Variants in CENPN observed in about 807,000 individuals in gnomAD.
CENPN encodes interphase centromere complex protein 32.
In CENPN, 36 loss-of-function variants were observed where a neutral mutation model predicts 48.6. The ratio of observed to expected loss-of-function variants is 0.74; its 90% CI spans 0.57 to 0.98. The LOEUF (loss-of-function observed/expected upper bound fraction) is 0.98, where lower values mean the gene tolerates loss of function less well. Ranked by LOEUF, CENPN falls within the 50% of genes least tolerant of loss-of-function variation. CENPN has a pLI of 0.00. For missense variants in CENPN, 439 were observed against 399.2 expected (o/e 1.10, Z -0.85); for synonymous variants, 166 against 135.2 (o/e 1.23, Z -1.58).
At chr16:81,018,921 C>G (rs1970049572) in intron 5 of CENPN, among the ~76,000 whole-genome samples, 1 of 152,182 alleles carries the variant, frequency 6.6e-6, no homozygotes, top group Non-Finnish European at 1.5e-5. Context: ...AGGCTCAGAG[C>G]TTTAAAGGGA....
At chr16:81,027,258 A>G (rs1970544582) in intron 9 of CENPN, among the ~76,000 whole-genome samples, 4 of 152,188 alleles carry the variant, frequency 2.6e-5, no homozygotes, top group Middle Eastern at 6.8e-3. Context: ...TGGGAGGCTG[A>G]GGCGGGCGGA....
At position 81,030,573 on chromosome 16, in the gene CENPN, A is replaced by G. The variant is rs1970723788; in HGVS notation, c.*1922A>G. On this transcript the variant is annotated 3_prime_UTR_variant, in exon 11 of 11. Transcript: ENST00000305850. The stretch of plus-strand genomic sequence containing the variant: ...AGACCAGCCTAGCCAACATGGCAAA[A>G]CCTTGTCTCTACTAAAAATAGAAAA... The G allele has an allele frequency of 5.4e-6, 1 of 184,988 alleles. No homozygotes were observed. The highest frequency in any genetic ancestry group is 1.0e-5 in the Non-Finnish European group (1 of 98,112). The allele number at this position is 184,988 out of a possible 1,614,324, so 11.5% of individuals were successfully genotyped here.
intron 6 of CENPN, among the ~76,000 whole-genome samples, chr16:81,021,208 A>G: frequency 6.6e-6 from 1 of 152,122 alleles, no homozygotes; most frequent in African/African-American, 2.4e-5. Context: ...ATTTGTAACC[A>G]TTTCTCCCAC....
intron 8 of CENPN, 95 bp from the exon 9 acceptor site, chr16:81,026,431 T>A: frequency 1.9e-6 from 1 of 524,922 alleles, no homozygotes; most frequent in East Asian, 3.1e-5. Flanking sequence ...TTTAAAATTA[T>A]ACAAACAATT....
intron 7 of CENPN, 99 bp downstream of exon 7, chr16:81,022,797 A>G: frequency 6.2e-7 from 1 of 1,613,830 alleles, no homozygotes; most frequent in Non-Finnish European, 8.5e-7. Context: ...ACAAGAGGAG[A>G]TCATTTTAGA....
At position 81,028,269 on chromosome 16, in the gene CENPN, G is replaced by A. The variant is rs750259215; in HGVS notation, c.909G>A (p.Leu303=). ...TAAAGTTCTCTAGCCCACATCTTCT[G>A]GAAGCATTGAAATCCTTAGCACCAG... ...CLIKFSSPHL[L]EALKSLAPAG... Residue 303 remains leucine, a synonymous_variant, in exon 10 of 11, where the codon CTG becomes CTA. Coordinates refer to ENST00000305850, the MANE Select transcript of CENPN (RefSeq NM_001100624.3). The A allele has an allele frequency of 2.5e-6, 4 of 1,614,080 alleles. No individual in the cohort carries two copies. The highest frequency in any genetic ancestry group is 2.2e-5 in the East Asian group (1 of 44,882).
Position 81,017,318 on chromosome 16 carries a change from T to C in CENPN, c.218-8T>C. 6.3e-7 allele frequency: 1 copy of C among 1,580,968 alleles called. No individual in the cohort carries two copies. The highest frequency in any genetic ancestry group is 8.7e-7 in the Non-Finnish European group (1 of 1,150,794). The stretch of plus-strand genomic sequence containing the variant: ...ATGCTAGTAATAAAGCTTTCTTCCC[T>C]CTCTCAGATATGCAATTTCATCAGC... On this transcript the variant is annotated splice_polypyrimidine_tract_variant and splice_region_variant and intron_variant, in intron 3 of 10. Transcript: ENST00000305850.
At chr16:81,009,200 C>T (rs1397499016) in intron 1 of CENPN, among the ~76,000 whole-genome samples, 1 of 152,082 alleles carries the variant, frequency 6.6e-6, no homozygotes, top group African/African-American at 2.4e-5. Context: ...GTGGGTGACC[C>T]AGCAAGATTC....
At chr16:81,019,775 C>T (rs1248484858) in intron 5 of CENPN, among the ~76,000 whole-genome samples, 1 of 151,374 alleles carries the variant, frequency 6.6e-6, no homozygotes, top group Non-Finnish European at 1.5e-5. Context: ...ACTAGGGAGG[C>T]TGAGATGGGA....
intron 10 of CENPN, 55 bp downstream of exon 10, chr16:81,028,352 C>A: frequency 6.3e-7 from 1 of 1,595,616 alleles, no homozygotes. Flanking sequence ...GCCTCCATTC[C>A]ATCCTTATAA....
chr16:81,017,285 T>C (rs1318681147), intron 3 of CENPN, 41 bp from the exon 4 acceptor site: 5 of 1,351,342 alleles, frequency 3.7e-6, no homozygotes, highest in South Asian at 1.2e-5. Flanking sequence ...ACTTCAAAGT[T>C]CTATGATATG....
At chr16:81,019,568 G>A (rs928133930) in intron 5 of CENPN, among the ~76,000 whole-genome samples, 1 of 152,036 alleles carries the variant, frequency 6.6e-6, no homozygotes, top group Admixed American at 6.6e-5. Flanking sequence ...GCTAGGTCTG[G>A]GTTAGATGCT....
In CENPN at chr16:81,024,716, C is replaced by A; in HGVS notation, c.635C>A (p.Thr212Asn). The A allele has an allele frequency of 1.2e-6, 2 of 1,603,766 alleles. No individual in the cohort carries two copies. The highest frequency in any genetic ancestry group is 1.7e-5 in the Admixed American group (1 of 59,306). ...KAIVFKQYNQ[T>N]FETHNSTTPL... The stretch of plus-strand genomic sequence containing the variant: ...AAATATTCACTTTTTTTTCCCTAGA[C>A]CTTTGAAACTCACAACTCTACGACA... The change falls in exon 8 of 11, where the codon ACC (threonine) becomes AAC (asparagine). Residue 212 changes from threonine (T) to asparagine (N), a missense_variant and splice_region_variant. By Grantham distance (65) the Thr-to-Asn change is moderately conservative. Transcript: ENST00000305850.
chr16:81,014,043 A>T (rs1435130238), intron 2 of CENPN, 93 bp from the exon 3 acceptor site: 2 of 945,730 alleles, frequency 2.1e-6, no homozygotes, highest in African/African-American at 3.2e-5. Context: ...GAATGTGCTA[A>T]TAGTCTGTTC....
At chr16:81,026,213 A>G (rs538224359) in intron 8 of CENPN, among the ~76,000 whole-genome samples, 25 of 149,254 alleles carry the variant, frequency 1.7e-4, no homozygotes, top group South Asian at 4.2e-4. Context: ...ATGTGTGTGT[A>G]TATATATATA....
chr16:81,028,769 T>C lies in CENPN; in HGVS notation c.*118T>C. 1 of 1,459,330 alleles carries C rather than the reference T, an allele frequency of 6.9e-7. No homozygotes were observed. The highest frequency in any genetic ancestry group is 9.0e-7 in the Non-Finnish European group (1 of 1,109,630). 90.4% of individuals were successfully genotyped at this position (1,459,330 alleles called of 1,614,324 possible). A position where few individuals can be genotyped will look rare whatever the true frequency, so the allele number is the denominator to read the frequency against. On this transcript the variant is annotated 3_prime_UTR_variant, in exon 11 of 11. Transcript: ENST00000305850. ...TTGTATTTTCAAGAATCCTTGGTATTGAATTTTTAGAAATGCTCACATAAT... is the reference window on the plus strand; with the variant it reads ...TTGTATTTTCAAGAATCCTTGGTATCGAATTTTTAGAAATGCTCACATAAT...
chr16:81,031,900 G>A (rs1289903359), downstream of CENPN, among the ~76,000 whole-genome samples: 1 of 152,144 alleles, frequency 6.6e-6, no homozygotes, highest in Non-Finnish European at 1.5e-5. Flanking sequence ...TCAGTGCCCA[G>A]CCAAAATTCT....
chr16:81,021,484 C>G (rs1386933626), intron 6 of CENPN, among the ~76,000 whole-genome samples: 3 of 152,172 alleles, frequency 2.0e-5, no homozygotes, highest in Non-Finnish European at 2.9e-5. Flanking sequence ...TGTCACTCCA[C>G]AGCAGAGTGG....
intron 8 of CENPN, among the ~76,000 whole-genome samples, chr16:81,026,065 A>ATG (rs1205146918): frequency 0.011 from 561 of 51,394 alleles, 2 homozygotes; most frequent in East Asian, 0.063. Flanking sequence ...ATATATATAT[A>ATG]TATATGTGTG....
Sources: allele counts gnomAD v4.1 joint callset (sites outside exome capture counted in the v4.1 genomes callset), GRCh38; gene constraint gnomAD v4.1.1; transcripts MANE v1.5; gene names NCBI Gene and HGNC (gene_info 2026-07-23, HGNC 2026-07-21).